Variants in DLG2 observed in about 807,000 individuals in gnomAD.
DLG2 encodes discs large MAGUK scaffold protein 2.
In DLG2, 45 loss-of-function variants were observed where a neutral mutation model predicts 132.5. The ratio of observed to expected loss-of-function variants is 0.34; its 90% CI spans 0.27 to 0.44. DLG2 has a LOEUF of 0.44. Among genes scored for constraint, DLG2 ranks in the 20% least tolerant of loss-of-function variants. The pLI is 1.00. For synonymous variants in DLG2, 424 were observed against 419.6 expected, an observed-to-expected ratio of 1.01 and a Z score of -0.13; for missense variants, 1,045 against 1,196.9, an observed-to-expected ratio of 0.87 and a Z score of 1.87.
At chr11:84,646,473 T>C (rs2099675113) in intron 6 of DLG2, among the ~76,000 whole-genome samples, 1 of 152,084 alleles carries the variant, frequency 6.6e-6, no homozygotes, top group African/African-American at 2.4e-5. Context: ...GCATTTACTT[T>C]ATCTTTGTCA....
chr11:84,402,264 A>C (rs1374819714), intron 7 of DLG2, among the ~76,000 whole-genome samples: 1 of 152,172 alleles, frequency 6.6e-6, no homozygotes, highest in Non-Finnish European at 1.5e-5. Context: ...AGAGGAATAA[A>C]ATGTATCTAT....
intron 6 of DLG2, among the ~76,000 whole-genome samples, chr11:84,651,811 C>T (rs2099682384): frequency 6.6e-6 from 1 of 152,114 alleles, no homozygotes; most frequent in Non-Finnish European, 1.5e-5. Flanking sequence ...CCAGTAGGCA[C>T]CATGAAAGGT....
chr11:83,640,816 C>G (rs906356850), intron 18 of DLG2, among the ~76,000 whole-genome samples: 1 of 152,092 alleles, frequency 6.6e-6, no homozygotes, highest in African/African-American at 2.4e-5. Flanking sequence ...ACAGTCAGTT[C>G]CATGTTAAAA....
intron 3 of DLG2, among the ~76,000 whole-genome samples, chr11:85,547,889 C>T (rs1169770202): frequency 6.6e-6 from 1 of 152,102 alleles, no homozygotes; most frequent in Non-Finnish European, 1.5e-5. Context: ...ATTCGTCTAA[C>T]CCTTTTTCAA....
intron 18 of DLG2, among the ~76,000 whole-genome samples, chr11:83,735,879 T>C (rs2153708497): frequency 6.6e-6 from 1 of 152,272 alleles, no homozygotes; most frequent in East Asian, 1.9e-4. Flanking sequence ...TAATCAAAAT[T>C]AGCAATGGGA....
intron 9 of DLG2, among the ~76,000 whole-genome samples, chr11:84,152,613 C>G (rs1208889604): frequency 6.6e-6 from 1 of 152,070 alleles, no homozygotes; most frequent in Non-Finnish European, 1.5e-5. Flanking sequence ...GTCTCGATCT[C>G]CTGACCTCGT....
At chr11:84,897,842 G>A (rs1031318170) in intron 6 of DLG2, among the ~76,000 whole-genome samples, 4 of 151,734 alleles carry the variant, frequency 2.6e-5, no homozygotes, top group African/African-American at 4.8e-5. Context: ...GGATCTGGCC[G>A]TGTAAAAAAT....
At chr11:85,398,306 A>T (rs1320931513) in intron 3 of DLG2, among the ~76,000 whole-genome samples, 3 of 152,216 alleles carry the variant, frequency 2.0e-5, no homozygotes, top group Non-Finnish European at 4.4e-5. Flanking sequence ...TATAGCACTA[A>T]ATGCACACAA....
At chr11:83,967,930 T>C (rs947366499) in intron 12 of DLG2, among the ~76,000 whole-genome samples, 2 of 152,158 alleles carry the variant, frequency 1.3e-5, no homozygotes, top group African/African-American at 4.8e-5. Flanking sequence ...TTCTTTTGCA[T>C]GTGGAGATTC....
chr11:84,295,024 C>G (rs900187965), intron 7 of DLG2, among the ~76,000 whole-genome samples: 6 of 152,252 alleles, frequency 3.9e-5, no homozygotes, highest in Non-Finnish European at 8.8e-5. Context: ...GAAAACCCAT[C>G]AGCAATAATT....
chr11:84,733,699 T>C (rs934284757), intron 6 of DLG2, among the ~76,000 whole-genome samples: 3 of 152,200 alleles, frequency 2.0e-5, no homozygotes, highest in Non-Finnish European at 4.4e-5. Flanking sequence ...GTTATAGACA[T>C]GAAGTCCTTG....
chr11:83,653,816 A>G (rs141534612), intron 18 of DLG2, among the ~76,000 whole-genome samples: 2,737 of 150,526 alleles, frequency 0.018, 81 homozygotes, highest in African/African-American at 0.056. Flanking sequence ...TCTGCCTCCC[A>G]GGTTCAAGAG....
At chr11:83,906,613 T>C (rs2075030991) in intron 15 of DLG2, among the ~76,000 whole-genome samples, 1 of 152,106 alleles carries the variant, frequency 6.6e-6, no homozygotes, top group African/African-American at 2.4e-5. Context: ...GCTTACTGTG[T>C]AGGCAATGCA....
At chr11:85,274,446 A>G (rs1363727949) in intron 4 of DLG2, among the ~76,000 whole-genome samples, 4 of 152,238 alleles carry the variant, frequency 2.6e-5, no homozygotes, top group Non-Finnish European at 5.9e-5. Context: ...CTTTCACAAC[A>G]GTATCCAACT....
At chr11:84,916,154 G>A (rs1297637587) in intron 6 of DLG2, among the ~76,000 whole-genome samples, 1 of 151,352 alleles carries the variant, frequency 6.6e-6, no homozygotes, top group African/African-American at 2.4e-5. Context: ...GACCATCCCG[G>A]CTAAAACGGT....
chr11:84,411,856 C>G (rs918832916), intron 7 of DLG2, among the ~76,000 whole-genome samples: 3 of 152,184 alleles, frequency 2.0e-5, no homozygotes, highest in Non-Finnish European at 4.4e-5. Flanking sequence ...AAACCATAGA[C>G]TGACTTTATT....
intron 6 of DLG2, among the ~76,000 whole-genome samples, chr11:85,101,117 A>G (rs150853481): frequency 6.6e-6 from 1 of 152,202 alleles, no homozygotes; most frequent in East Asian, 1.9e-4. Flanking sequence ...AAAGCGTAAG[A>G]GCTTGTTATT....
intron 4 of DLG2, among the ~76,000 whole-genome samples, chr11:85,162,611 G>C (rs1166941183): frequency 1.3e-5 from 2 of 152,046 alleles, no homozygotes; most frequent in African/African-American, 2.4e-5. Context: ...CCTTTATTAT[G>C]TGACATAAAA....
At chr11:84,008,238 T>C (rs1458319812) in intron 11 of DLG2, among the ~76,000 whole-genome samples, 1 of 151,890 alleles carries the variant, frequency 6.6e-6, no homozygotes, top group Non-Finnish European at 1.5e-5. Flanking sequence ...CCTATACTCT[T>C]GTATCATCTT....
Sources: allele counts gnomAD v4.1 joint callset (sites outside exome capture counted in the v4.1 genomes callset), GRCh38; gene constraint gnomAD v4.1.1; transcripts MANE v1.5; gene names NCBI Gene and HGNC (gene_info 2026-07-23, HGNC 2026-07-21).